The following ENG variants were observed in gnomAD, a reference collection of about 807,000 sequenced individuals.
ENG encodes endoglin.
In ENG, 17 loss-of-function variants were observed where a neutral mutation model predicts 71.0. That is an observed-to-expected ratio of 0.24 (90% confidence interval 0.16 to 0.36). The LOEUF (loss-of-function observed/expected upper bound fraction) is 0.36. ENG is among the 10% of genes least tolerant of loss of function. ENG has a pLI of 1.00. For synonymous variants in ENG, 360 were observed against 366.9 expected, an observed-to-expected ratio of 0.98 and a Z score of 0.21; for missense variants, 749 against 868.3, an observed-to-expected ratio of 0.86 and a Z score of 1.73.
intron 2 of ENG, among the ~76,000 whole-genome samples, chr9:127,837,804 A>ATTCT (rs1830940536): frequency 3.3e-5 from 5 of 150,912 alleles, no homozygotes; most frequent in Admixed American, 6.6e-5. Context: ...CCATCCATCC[A>ATTCT]TCCATCCATC....
At chr9:127,842,994 A>G in intron 2 of ENG, 100 bp downstream of exon 2, 1 of 1,578,308 alleles carries the variant, frequency 6.3e-7, no homozygotes, top group Non-Finnish European at 8.7e-7. Flanking sequence ...ACGAGGACTC[A>G]GCCACTGCCC....
rs551686778 is a variant in ENG, at chr9:127,830,647, C to CAA, written c.220-822_220-821dup. On this transcript the variant is annotated intron_variant, in intron 2 of 14. Transcript: ENST00000373203. ...GGGCAACAAGAATGACGCTCCGTCT[C>CAA]AAAAAAAAAAACAAAAAACAAACAA... 4.7e-5 allele frequency among the ~76,000 whole-genome samples: 6 copies of CAA among 126,556 alleles called. No individual in the cohort carries two copies. The East Asian group carries it at 1.3e-3, about 28-fold the overall frequency. The allele number at this position is 126,556 out of a possible 152,430, so 83.0% of individuals were successfully genotyped here.
intron 3 of ENG, among the ~76,000 whole-genome samples, chr9:127,826,875 G>A (rs1342507541): frequency 6.6e-6 from 1 of 152,052 alleles, no homozygotes; most frequent in Admixed American, 6.6e-5. Context: ...GCATACCTGG[G>A]GGGCCAGATG....
chr9:127,818,475 C>T (rs1210170319), intron 11 of ENG, 98 bp from the exon 12 acceptor site: 2 of 1,565,052 alleles, frequency 1.3e-6, no homozygotes, highest in Non-Finnish European at 1.7e-6. Flanking sequence ...AGTTCCCACC[C>T]CTGAGTCCTC....
At chr9:127,832,963 G>A (rs1460456435) in intron 2 of ENG, among the ~76,000 whole-genome samples, 1 of 152,064 alleles carries the variant, frequency 6.6e-6, no homozygotes, top group Non-Finnish European at 1.5e-5. Context: ...CGCCATGTTG[G>A]CCAGGATGGG....
chr9:127,824,214 C>A (rs1055364540), intron 8 of ENG, 90 bp downstream of exon 8: 21 of 1,600,502 alleles, frequency 1.3e-5, no homozygotes, highest in African/African-American at 2.7e-5. Context: ...ACTTGCCCCC[C>A]TGCCTGGGCT....
intron 8 of ENG, among the ~76,000 whole-genome samples, chr9:127,822,872 G>A (rs1465115561): frequency 1.3e-5 from 2 of 152,084 alleles, no homozygotes; most frequent in African/African-American, 2.4e-5. Flanking sequence ...ATGGAGTCTC[G>A]CTCTGTCGCC....
chr9:127,818,549 C>CA (rs1418911713), intron 11 of ENG, 167 bp downstream of exon 11: 2 of 1,390,994 alleles, frequency 1.4e-6, no homozygotes, highest in African/African-American at 1.4e-5. Flanking sequence ...ACATCCTTGT[C>CA]AGTGTCCCTG....
rs181330955 is a variant in ENG, at chr9:127,815,727, G to A, written c.1932C>T (p.Ile644=). The change falls in exon 15 of 15, where the codon ATC becomes ATT. Residue 644 remains isoleucine (I), a synonymous_variant. Coordinates refer to ENST00000373203, the MANE Select transcript of ENG (RefSeq NM_001114753.3). ...SSESSSTNHS[I]GSTQSTPCST... Reference sequence around the variant, plus strand: ...AGCAGGGGGTGCTCTGGGTGCTCCCGATGCTGTGGTTGGTGCTGCTGCTCT... The same window carrying A: ...AGCAGGGGGTGCTCTGGGTGCTCCCAATGCTGTGGTTGGTGCTGCTGCTCT... 8,599 of 1,559,734 alleles carry A rather than the reference G, an allele frequency of 5.5e-3. 628 individuals carry two copies. The Admixed American group carries it at 0.14, about 25-fold the overall frequency.
chr9:127,816,835 A>G (rs1421584624), intron 13 of ENG: 6 of 477,838 alleles, frequency 1.3e-5, no homozygotes, highest in Non-Finnish European at 1.9e-5. Context: ...CTCACCCAGG[A>G]GACTCCATCC....
At position 127,824,797 on chromosome 9, in the gene ENG, C is replaced by A; in HGVS notation, c.991+3G>T. 6.4e-7 allele frequency: 1 copy of A among 1,551,600 alleles called. No individual in the cohort carries two copies. The highest frequency in any genetic ancestry group is 1.2e-5 in the South Asian group (1 of 81,136). On this transcript the variant is annotated splice_donor_region_variant and intron_variant, in intron 7 of 14. Transcript: ENST00000373203. ...AAGGGAGGGGCAGGGGAAGGGTGCT[C>A]ACCGCAGCTGGAGGCATGAAGTGAG...
At chr9:127,841,790 A>T (rs536888790) in intron 2 of ENG, among the ~76,000 whole-genome samples, 2 of 152,250 alleles carry the variant, frequency 1.3e-5, no homozygotes, top group South Asian at 4.1e-4. Context: ...AGCCACCTGA[A>T]CACTGAGATC....
chr9:127,821,008 C>T (rs921430097), intron 8 of ENG, among the ~76,000 whole-genome samples: 5 of 152,084 alleles, frequency 3.3e-5, no homozygotes, highest in East Asian at 1.9e-4. Context: ...ATGTTGTGGT[C>T]GGTGATGGAC....
chr9:127,829,770 G>C lies in ENG; in HGVS notation c.277C>G (p.Arg93Gly). The C allele has an allele frequency of 6.2e-7, 1 of 1,614,134 alleles. No individual in the cohort carries two copies. The highest frequency in any genetic ancestry group is 8.5e-7 in the Non-Finnish European group (1 of 1,180,022). ...ACACTGAGGACCAGAAGCACCTCTC[G>C]GGGCCAGGTGCCATTTTGCTTGGAT... ...QASKQNGTWP[R>G]EVLLVLSVNS... is the part of the protein sequence containing the mutation. The change falls in exon 3 of 15, where the codon CGA (arginine) becomes GGA (glycine). Residue 93 changes from arginine to glycine, a missense_variant. By Grantham distance (125) the Arg-to-Gly change is moderately radical. Coordinates refer to ENST00000373203, the MANE Select transcript of ENG (RefSeq NM_001114753.3).
chr9:127,836,106 C>G lies in ENG; in HGVS notation c.220-6279G>C, dbSNP rs1830896037. Among the ~76,000 whole-genome samples the G allele has an allele frequency of 6.6e-6, 1 of 152,236 alleles. No individual in the cohort carries two copies. Among genetic ancestry groups the G allele is most frequent in the South Asian group, 2.1e-4 (1 of 4,834 alleles). On this transcript the variant is annotated intron_variant, in intron 2 of 14. Coordinates refer to ENST00000373203, the MANE Select transcript of ENG (RefSeq NM_001114753.3). This position sits in a 1 kb window ranked among gnomAD's most constrained non-coding sequence, Gnocchi z 4.0. ...CATTTCCCTCCCCACGGCCCTGACT[C>G]ACCGCCACGGCCACTCACACGCACA... is the stretch of plus-strand genomic sequence containing the variant.
intron 8 of ENG, among the ~76,000 whole-genome samples, chr9:127,820,839 A>AATAT (rs373566592): frequency 2.0e-5 from 3 of 149,032 alleles, no homozygotes; most frequent in African/African-American, 5.0e-5. Context: ...AAAAAAAAAA[A>AATAT]ATATATATAT....
intron 2 of ENG, among the ~76,000 whole-genome samples, chr9:127,837,824 T>C (rs775399806): frequency 1.1e-5 from 1 of 90,406 alleles, no homozygotes; most frequent in Non-Finnish European, 2.2e-5. Context: ...CCAACAGATA[T>C]TGATTCCTGG....
rs1554809253 is a variant in ENG at position 127,818,222 on chromosome 9, CGG to C, written c.1582_1583del (p.Pro528AlafsTer38). 6.2e-7 allele frequency: 1 copy of C among 1,614,142 alleles called. No homozygotes were observed. The highest frequency in any genetic ancestry group is 8.5e-7 in the Non-Finnish European group (1 of 1,180,032). ...AGAAGTGGAGGAGGAAGCTGAAGCG[CGG>C]GTCACCCTCGGGGCTTGGGGACAGC... ...SLLSPSPEGD[P>X]RFSFLLHFYT... On this transcript the variant is annotated frameshift_variant, in exon 12 of 15. Transcript: ENST00000373203. LOFTEE classifies it high-confidence loss of function.
Position 127,843,372 on chromosome 9 carries a change from A to G in ENG, c.68-127T>C, listed in dbSNP as rs566342435. ...TTTCCTGCATCATCACAGCCACCTT[A>G]TGAGGTGGATATCATTATATTCGTT... On this transcript the variant is annotated intron_variant, in intron 1 of 14. Coordinates refer to ENST00000373203, the MANE Select transcript of ENG (RefSeq NM_001114753.3). 152 of 1,211,896 alleles carry G rather than the reference A, an allele frequency of 1.3e-4. No homozygotes were observed. In the South Asian group the frequency reaches 1.8e-3, roughly 14 times the overall value. The allele number at this position is 1,211,896 out of a possible 1,614,324, so 75.1% of individuals were successfully genotyped here.
Sources: allele counts gnomAD v4.1 joint callset (sites outside exome capture counted in the v4.1 genomes callset), GRCh38; gene constraint gnomAD v4.1.1; non-coding constraint Gnocchi (gnomAD v3.1); transcripts MANE v1.5; gene names NCBI Gene and HGNC (gene_info 2026-07-23, HGNC 2026-07-21).